SLC2A9: variants seen among roughly 807,000 people sequenced by gnomAD.
SLC2A9 encodes the protein solute carrier family 2 member 9, also known as solute carrier family 2, facilitated glucose transporter member 9.
A neutral mutation model predicts 50.6 loss-of-function variants in SLC2A9; 39 were observed. That is an observed-to-expected ratio of 0.77 (90% CI 0.60 to 1.01). The LOEUF (loss-of-function observed/expected upper bound fraction) is 1.01. SLC2A9 is among the 50% of genes least tolerant of loss of function. The pLI, the probability that SLC2A9 is intolerant of heterozygous loss-of-function variation, is 0.00. For synonymous variants in SLC2A9, 324 were observed against 276.9 expected, an observed-to-expected ratio of 1.17 and a Z score of -1.69; for missense variants, 686 against 677.6, an observed-to-expected ratio of 1.01 and a Z score of -0.14.
At chr4:9,814,604 T>C (rs993884698) in intron 3 of SLC2A9, among the ~76,000 whole-genome samples, 1 of 152,190 alleles carries the variant, frequency 6.6e-6, no homozygotes, top group African/African-American at 2.4e-5. Context: ...CTGGGCTCAC[T>C]TGTATTTGAC....
chr4:9,774,696 TTCTC>T (rs970006039), intron 1 of SLC2A9, among the ~76,000 whole-genome samples: 3 of 151,648 alleles, frequency 2.0e-5, no homozygotes, highest in East Asian at 1.9e-4. Flanking sequence ...AGAAATCATT[TTCTC>T]TCTCTCTCTC....
chr4:9,977,551 C>T (rs1191278149), intron 5 of SLC2A9, among the ~76,000 whole-genome samples: 1 of 145,190 alleles, frequency 6.9e-6, no homozygotes, highest in Admixed American at 6.9e-5. Context: ...CTCCCCCTCC[C>T]CCTCCCCCTC....
At chr4:9,942,350 C>T (rs1748315959) in intron 5 of SLC2A9, among the ~76,000 whole-genome samples, 1 of 152,216 alleles carries the variant, frequency 6.6e-6, no homozygotes, top group South Asian at 2.1e-4. Flanking sequence ...ACCCCACTCC[C>T]TGGGGAACCA....
chr4:10,033,829 G>A (rs1764012852), intron 1 of SLC2A9, among the ~76,000 whole-genome samples: 1 of 152,152 alleles, frequency 6.6e-6, no homozygotes, highest in Non-Finnish European at 1.5e-5. Context: ...CGAAATCCAG[G>A]GCGAGGGCCA....
Position 9,920,423 on chromosome 4 carries a change from C to T in SLC2A9, c.964G>A (p.Val322Ile), listed in dbSNP as rs1485845431. Residue 322 changes from valine (V) to isoleucine (I), a missense_variant, in exon 7 of 12, where the codon GTC becomes ATC. By Grantham distance (29) the Val-to-Ile change is conservative. Coordinates refer to ENST00000264784, the MANE Select transcript of SLC2A9 (RefSeq NM_020041.3). ...YVRWQVVTVI[V>I]TMACYQLCGL... Reference sequence around the variant, plus strand: ...CAGAGCTGGTAGCAGGCCATGGTGACAATCACGGTGACCACCTGCCAGCGG... The same window carrying T: ...CAGAGCTGGTAGCAGGCCATGGTGATAATCACGGTGACCACCTGCCAGCGG... The T allele has an allele frequency of 1.9e-6, 3 of 1,614,178 alleles. No homozygotes were observed. In the South Asian group the frequency reaches 3.3e-5, roughly 18 times the overall value.
At position 9,911,108 on chromosome 4, in the gene SLC2A9, C is replaced by G. The variant is rs571554841; in HGVS notation, c.1003-2763G>C. ...GCACGTGTATACCTATGTAACAAAC[C>G]TGCACATTCTCCACAGGTATCCCAG... On this transcript the variant is annotated intron_variant, in intron 7 of 11. Transcript: ENST00000264784. Among the ~76,000 whole-genome samples the G allele has an allele frequency of 1.9e-4, 29 of 152,074 alleles. No individual in the cohort carries two copies. The South Asian group carries it at 5.6e-3, about 29-fold the overall frequency.
rs562756026 is a variant in SLC2A9, at chr4:9,808,010, C to G, written n.421-8769G>C. On this transcript the variant is annotated intron_variant and non_coding_transcript_variant, in intron 3 of 3. Coordinates refer to the SLC2A9 transcript ENST00000503280. ...TTGCCACCTTGCAGCTGGATTGGCT[C>G]TAAGTCATGATGGAGCCCATAGATA... 2.1e-3 allele frequency among the ~76,000 whole-genome samples: 316 copies of G among 152,328 alleles called. 3 individuals carry two copies. Among genetic ancestry groups the G allele is most frequent in the Non-Finnish European group, 1.6e-3 (107 of 68,040 alleles).
intron 8 of SLC2A9, among the ~76,000 whole-genome samples, chr4:9,899,041 G>A (rs574718084): frequency 6.6e-5 from 10 of 151,866 alleles, no homozygotes; most frequent in South Asian, 6.2e-4. Flanking sequence ...ACATTTTAAA[G>A]CAACTCTATG....
At chr4:9,981,745 G>A (rs1162434052) in intron 4 of SLC2A9, among the ~76,000 whole-genome samples, 1 of 152,182 alleles carries the variant, frequency 6.6e-6, no homozygotes, top group Admixed American at 6.5e-5. Context: ...AAACCTTCTA[G>A]ATGAAGAACA....
rs1213870972 is a variant in SLC2A9, at chr4:9,963,807, G to A, written c.681+16785C>T. 2.6e-5 allele frequency among the ~76,000 whole-genome samples: 4 copies of A among 152,182 alleles called. No homozygotes were observed. The East Asian group carries it at 7.7e-4, about 29-fold the overall frequency. On this transcript the variant is annotated intron_variant, in intron 5 of 11. Coordinates refer to ENST00000264784, the MANE Select transcript of SLC2A9 (RefSeq NM_020041.3). ...GTGGGATCCTCTACCTTTTGTGTGT[G>A]CAAGAATCACATCCAGCGAGTCTGA...
intron 7 of SLC2A9, among the ~76,000 whole-genome samples, chr4:9,919,055 G>A (rs950339366): frequency 4.6e-5 from 7 of 152,096 alleles, no homozygotes; most frequent in Non-Finnish European, 7.4e-5. Context: ...TAGAACTGAT[G>A]GTTCTCAGTG....
intron 10 of SLC2A9, among the ~76,000 whole-genome samples, chr4:9,847,651 C>A (rs1729197738): frequency 6.6e-6 from 1 of 152,206 alleles, no homozygotes; most frequent in South Asian, 2.1e-4. Flanking sequence ...CTTCAAGGAG[C>A]CGTCAGCATC....
chr4:9,913,504 AC>A (rs1453180288), intron 7 of SLC2A9, among the ~76,000 whole-genome samples: 2 of 152,142 alleles, frequency 1.3e-5, no homozygotes, highest in Non-Finnish European at 2.9e-5. Context: ...TTTATTAAAC[AC>A]TGTGTTCCAG....
At chr4:9,921,162 T>G (rs906573406) in intron 6 of SLC2A9, among the ~76,000 whole-genome samples, 4 of 152,168 alleles carry the variant, frequency 2.6e-5, no homozygotes, top group African/African-American at 2.4e-5. Context: ...GCCCCTTCCA[T>G]GTGATCCTCT....
At chr4:9,780,093 G>A (rs1024891974) in intron 3 of SLC2A9, 20 of 152,304 alleles carry the variant, frequency 1.3e-4, no homozygotes, top group African/African-American at 4.6e-4. Flanking sequence ...GGCAATATGA[G>A]GAAAAGACCT....
intron 6 of SLC2A9, among the ~76,000 whole-genome samples, chr4:9,928,752 A>G (rs1356375008): frequency 6.6e-6 from 1 of 152,218 alleles, no homozygotes; most frequent in African/African-American, 2.4e-5. Context: ...ACAAACAAAC[A>G]AACAAACAAA....
At chr4:9,897,075 G>A (rs1738690641) in intron 8 of SLC2A9, among the ~76,000 whole-genome samples, 1 of 152,144 alleles carries the variant, frequency 6.6e-6, no homozygotes, top group Non-Finnish European at 1.5e-5. Context: ...AGAACTTGAG[G>A]CTCAGAGAGG....
intron 11 of SLC2A9, among the ~76,000 whole-genome samples, chr4:9,829,938 T>A (rs925633181): frequency 2.0e-5 from 3 of 152,220 alleles, no homozygotes; most frequent in African/African-American, 7.2e-5. Context: ...GTTCAATCAT[T>A]GTGAAAAACA....
At chr4:9,946,744 T>G (rs896765726) in intron 5 of SLC2A9, among the ~76,000 whole-genome samples, 1 of 152,346 alleles carries the variant, frequency 6.6e-6, no homozygotes, top group Admixed American at 6.5e-5. Context: ...ATAAGAACAG[T>G]CCAGAATGTC....
Sources: gnomAD v4.1 joint callset for allele counts (sites outside exome capture counted in the v4.1 genomes callset) on GRCh38, gnomAD v4.1.1 for gene constraint, MANE v1.5 for transcripts, NCBI Gene and HGNC (gene_info 2026-07-23, HGNC 2026-07-21) for gene names.